FAM53B: variants seen among roughly 807,000 people sequenced by gnomAD.
FAM53B encodes the protein protein FAM53B.
A neutral mutation model predicts 32.7 loss-of-function variants in FAM53B; 12 were observed. That is an observed-to-expected ratio of 0.37 (90% CI 0.24 to 0.59). The LOEUF is 0.59. FAM53B is among the 20% of genes least tolerant of loss of function. The probability of loss-of-function intolerance (pLI) is 0.72; values close to 1 mark genes in which losing one functional copy is unlikely to be tolerated. For synonymous variants in FAM53B, 234 were observed against 228.7 expected, an observed-to-expected ratio of 1.02 and a Z score of -0.21; for missense variants, 477 against 577.7, an observed-to-expected ratio of 0.83 and a Z score of 1.79.
At chr10:124,640,709 C>A (rs1279090511) in intron 4 of FAM53B, among the ~76,000 whole-genome samples, 1 of 152,140 alleles carries the variant, frequency 6.6e-6, no homozygotes, top group Non-Finnish European at 1.5e-5. Flanking sequence ...TGGGAGGGGG[C>A]GCTACTGTCA....
intron 2 of FAM53B, among the ~76,000 whole-genome samples, chr10:124,696,648 C>T (rs142391284): frequency 3.3e-5 from 5 of 152,138 alleles, no homozygotes; most frequent in East Asian, 1.9e-4. Flanking sequence ...GGTCCGACTC[C>T]GAGACCCCTC....
intron 2 of FAM53B, among the ~76,000 whole-genome samples, chr10:124,703,342 C>T (rs1281302135): frequency 1.3e-5 from 2 of 152,246 alleles, no homozygotes; most frequent in Non-Finnish European, 2.9e-5. Flanking sequence ...GCCACCATGC[C>T]TGGCCGGTGC....
At chr10:124,647,784 G>T (rs546907713) in intron 4 of FAM53B, among the ~76,000 whole-genome samples, 1 of 152,266 alleles carries the variant, frequency 6.6e-6, no homozygotes, top group African/African-American at 2.4e-5. Context: ...TGCTTGAGAT[G>T]AGCCGAGGAA....
At chr10:124,646,266 CT>C in intron 4 of FAM53B, among the ~76,000 whole-genome samples, 1 of 152,358 alleles carries the variant, frequency 6.6e-6, no homozygotes, top group Admixed American at 6.5e-5. Flanking sequence ...GTGCAGCTCG[CT>C]TTCTTTAGGC....
Position 124,730,863 on chromosome 10 carries a change from G to A in FAM53B, c.-175+13150C>T, listed in dbSNP as rs527401894. ...AAGAGGTCAGCACATTTTTTTTTCT[G>A]TAAAGGGCCAGGCAATAAATATTTT... is the stretch of plus-strand genomic sequence containing the variant. On this transcript the variant is annotated intron_variant, in intron 1 of 4. Transcript: ENST00000337318. 3.3e-5 allele frequency among the ~76,000 whole-genome samples: 5 copies of A among 152,188 alleles called. No individual in the cohort carries two copies. In the East Asian group the frequency reaches 9.6e-4, roughly 29 times the overall value.
chr10:124,653,409 G>A (rs1480665628), intron 4 of FAM53B, among the ~76,000 whole-genome samples: 1 of 152,220 alleles, frequency 6.6e-6, no homozygotes, highest in Non-Finnish European at 1.5e-5. Context: ...GACTCAACAG[G>A]GGCATCTCAC....
intron 1 of FAM53B, among the ~76,000 whole-genome samples, chr10:124,743,737 C>A (rs1378895832): frequency 2.0e-5 from 3 of 152,010 alleles, no homozygotes; most frequent in Non-Finnish European, 4.4e-5. Flanking sequence ...CGCAGCCAGG[C>A]TTGTTCTTCC....
At chr10:124,686,116 G>C (rs943317701) in intron 3 of FAM53B, among the ~76,000 whole-genome samples, 1 of 152,194 alleles carries the variant, frequency 6.6e-6, no homozygotes, top group African/African-American at 2.4e-5. Context: ...CCTCCCCCCA[G>C]CTTTGTGTAG....
intron 2 of FAM53B, among the ~76,000 whole-genome samples, chr10:124,700,631 T>G (rs1002200270): frequency 6.6e-6 from 1 of 152,150 alleles, no homozygotes. Flanking sequence ...GGAAATCAAA[T>G]GGAGGCTTCA....
intron 4 of FAM53B, among the ~76,000 whole-genome samples, chr10:124,643,509 C>T (rs966150657): frequency 2.6e-5 from 4 of 152,244 alleles, no homozygotes; most frequent in Non-Finnish European, 5.9e-5. Context: ...CACTCGTCGC[C>T]CGGGCCCGGC....
At chr10:124,646,506 G>A (rs911260092) in intron 4 of FAM53B, among the ~76,000 whole-genome samples, 3 of 152,162 alleles carry the variant, frequency 2.0e-5, no homozygotes, top group East Asian at 1.9e-4. Flanking sequence ...TTGCTGTGCC[G>A]GCGCCTTCTG....
intron 4 of FAM53B, among the ~76,000 whole-genome samples, chr10:124,633,873 C>T (rs1949408848): frequency 6.6e-6 from 1 of 152,018 alleles, no homozygotes; most frequent in Non-Finnish European, 1.5e-5. Context: ...GAAAAAAAGG[C>T]CTTTCTAAAA....
rs1177635401 is a variant in FAM53B at position 124,713,320 on chromosome 10, C to T, written c.-174-6433G>A. 4 of 152,366 alleles carry T rather than the reference C, an allele frequency of 2.6e-5. No individual in the cohort carries two copies. The East Asian group carries it at 5.8e-4, about 22-fold the overall frequency. 9.4% of individuals were successfully genotyped at this position (152,366 alleles called of 1,614,324 possible). ...AGCAGGGGCAAGACCAGGATTCAAA[C>T]CCAGGCCTTCCTCCCCAGGCCACTC... On this transcript the variant is annotated intron_variant, in intron 1 of 4. Transcript: ENST00000337318.
chr10:124,644,007 C>T (rs1365863144), intron 4 of FAM53B, among the ~76,000 whole-genome samples: 5 of 152,130 alleles, frequency 3.3e-5, no homozygotes, highest in African/African-American at 9.6e-5. Context: ...CACACCTGCT[C>T]GGGAAGAAAG....
chr10:124,685,546 G>A (rs2134070565), intron 3 of FAM53B, among the ~76,000 whole-genome samples: 1 of 152,392 alleles, frequency 6.6e-6, no homozygotes, highest in Admixed American at 6.5e-5. Context: ...GCACAGAGCA[G>A]CGAGGGTGGC....
rs1282894376 is a variant in FAM53B at position 124,649,495 on chromosome 10, C to G, written c.907-25891G>C. 2.6e-5 allele frequency among the ~76,000 whole-genome samples: 4 copies of G among 152,222 alleles called. No homozygotes were observed. In the South Asian group the frequency reaches 6.2e-4, roughly 24 times the overall value. ...GCCCCACCTCCAGGCAAGTCAGCAG[C>G]TGTTTCTCCCAACATGTCTGCCCTC... On this transcript the variant is annotated intron_variant, in intron 4 of 4. Coordinates refer to ENST00000337318, the MANE Select transcript of FAM53B (RefSeq NM_014661.4).
intron 4 of FAM53B, among the ~76,000 whole-genome samples, chr10:124,648,529 C>A (rs535924356): frequency 6.6e-6 from 1 of 152,364 alleles, no homozygotes; most frequent in Non-Finnish European, 1.5e-5. Context: ...CTGCCTGCCT[C>A]ATAGGAATGC....
At chr10:124,718,532 G>C (rs1589762755) in intron 1 of FAM53B, among the ~76,000 whole-genome samples, 4 of 152,224 alleles carry the variant, frequency 2.6e-5, no homozygotes, top group Admixed American at 2.6e-4. Flanking sequence ...CCCGAGCTCT[G>C]TGGCACCTCT....
At chr10:124,643,814 C>G (rs1949493361) in intron 4 of FAM53B, among the ~76,000 whole-genome samples, 1 of 152,236 alleles carries the variant, frequency 6.6e-6, no homozygotes, top group Non-Finnish European at 1.5e-5. Flanking sequence ...CGCTGGGCGG[C>G]TCCTGGAGCG....
Sources: gnomAD v4.1 joint callset for allele counts (sites outside exome capture counted in the v4.1 genomes callset) on GRCh38, gnomAD v4.1.1 for gene constraint, MANE v1.5 for transcripts, NCBI Gene and HGNC (gene_info 2026-07-23, HGNC 2026-07-21) for gene names.